GRAMD1C: variants seen among roughly 807,000 people sequenced by gnomAD.
The protein encoded by GRAMD1C is protein Aster-C.
In GRAMD1C, 89 loss-of-function variants were observed where a neutral mutation model predicts 97.8. The observed-to-expected ratio is 0.91, with a 90% CI of 0.77 to 1.09. The LOEUF (loss-of-function observed/expected upper bound fraction) is 1.09, where lower values mean the gene tolerates loss of function less well. Ranked by LOEUF, GRAMD1C falls within the 50% of genes least tolerant of loss-of-function variation. The pLI, the probability that GRAMD1C is intolerant of heterozygous loss-of-function variation, is 0.00. For synonymous variants in GRAMD1C, 256 were observed against 267.0 expected, an observed-to-expected ratio of 0.96 and a Z score of 0.40; for missense variants, 740 against 766.4, an observed-to-expected ratio of 0.97 and a Z score of 0.41.
chr3:113,865,916 C>T (rs1418852397), intron 2 of GRAMD1C, among the ~76,000 whole-genome samples: 1 of 152,054 alleles, frequency 6.6e-6, no homozygotes, highest in East Asian at 1.9e-4. Flanking sequence ...TTGTTGATCT[C>T]TAATTTTATT....
chr3:113,934,952 C>T (rs189846740), intron 13 of GRAMD1C, among the ~76,000 whole-genome samples: 62 of 152,206 alleles, frequency 4.1e-4, no homozygotes, highest in African/African-American at 1.4e-3. Context: ...CCATCTTGGT[C>T]AGGCTGGTCT....
Position 113,851,606 on chromosome 3 carries a change from C to T in GRAMD1C, c.174+6957C>T, listed in dbSNP as rs184606579. Among the ~76,000 whole-genome samples the T allele has an allele frequency of 3.4e-4, 52 of 151,028 alleles. No individual in the cohort carries two copies. The East Asian group carries it at 4.9e-3, about 14-fold the overall frequency. ...TGATCTCGGTTCACTGCAGCCTCCACCTCCTGGGTTCAAGTGATTCTCCTG... is the reference window on the plus strand; with the variant it reads ...TGATCTCGGTTCACTGCAGCCTCCATCTCCTGGGTTCAAGTGATTCTCCTG... On this transcript the variant is annotated intron_variant, in intron 2 of 17. Coordinates refer to ENST00000358160, the MANE Select transcript of GRAMD1C (RefSeq NM_017577.5).
intron 13 of GRAMD1C, 24 bp from the exon 14 acceptor site, chr3:113,936,242 A>G: frequency 7.1e-7 from 1 of 1,400,624 alleles, no homozygotes; most frequent in Non-Finnish European, 1.0e-6. Flanking sequence ...CTCACTATAT[A>G]AAGATTGTTT....
chr3:113,866,201 A>G (rs2712363), intron 2 of GRAMD1C, among the ~76,000 whole-genome samples: 152,106 of 152,336 alleles, frequency 1, 75,939 homozygotes, highest in Middle Eastern at 1. Flanking sequence ...CTTATTGAAT[A>G]GTCTGTTCTT....
chr3:113,886,336 A>G (rs1227599414), intron 6 of GRAMD1C, among the ~76,000 whole-genome samples: 1 of 152,256 alleles, frequency 6.6e-6, no homozygotes, highest in Non-Finnish European at 1.5e-5. Context: ...AGGACTGGCC[A>G]GAGTGACAGA....
chr3:113,938,344 G>T, intron 15 of GRAMD1C: 1 of 399,922 alleles, frequency 2.5e-6, no homozygotes, highest in Non-Finnish European at 4.4e-6. Context: ...TTAAATTTGA[G>T]GAAATACAAA....
At chr3:113,833,171 CTT>C (rs1337440662) in intron 1 of GRAMD1C, among the ~76,000 whole-genome samples, 1 of 125,032 alleles carries the variant, frequency 8.0e-6, no homozygotes, top group African/African-American at 3.1e-5. Flanking sequence ...GAGTTTTGCT[CTT>C]GTTTCCCAGG....
At chr3:113,844,384 C>T in intron 1 of GRAMD1C, 119 bp from the exon 2 acceptor site, 1 of 652,752 alleles carries the variant, frequency 1.5e-6, no homozygotes, top group Non-Finnish European at 2.7e-6. Context: ...TTACTGTCTT[C>T]TAAACATTTA....
At chr3:113,836,475 T>C (rs1199148818), upstream of GRAMD1C, among the ~76,000 whole-genome samples, 1 of 151,836 alleles carries the variant, frequency 6.6e-6, no homozygotes, top group Non-Finnish European at 1.5e-5. Context: ...GTATTCATCT[T>C]CGTGGAAGCA....
chr3:113,864,765 T>A (rs1480521316), intron 2 of GRAMD1C, among the ~76,000 whole-genome samples: 1 of 152,198 alleles, frequency 6.6e-6, no homozygotes, highest in African/African-American at 2.4e-5. Context: ...TTCCCTAATC[T>A]TCTTGTTTTC....
chr3:113,842,199 G>T (rs1456851501), intron 1 of GRAMD1C, among the ~76,000 whole-genome samples: 1 of 152,126 alleles, frequency 6.6e-6, no homozygotes, highest in East Asian at 1.9e-4. Context: ...ATTTTATGTT[G>T]AATAACTCCT....
At chr3:113,836,648 A>T (rs951003463), upstream of GRAMD1C, among the ~76,000 whole-genome samples, 3 of 150,520 alleles carry the variant, frequency 2.0e-5, no homozygotes, top group African/African-American at 4.9e-5. Context: ...ATTATTATTT[A>T]TTATTATTAT....
intron 6 of GRAMD1C, among the ~76,000 whole-genome samples, chr3:113,900,665 A>G (rs1035929314): frequency 6.6e-6 from 1 of 151,114 alleles, no homozygotes; most frequent in Non-Finnish European, 1.5e-5. Flanking sequence ...TGACCTCGTG[A>G]TCTGCCTGCC....
rs71144097 is a variant in GRAMD1C at position 113,917,856 on chromosome 3, C to CTTTT, written c.1090+2040_1090+2043dup. ...TACAGGCGTGCACCACCATGCTTGG[C>CTTTT]TTTTTTTTTTTTTTTTTTTTTTTTT... On this transcript the variant is annotated intron_variant, in intron 10 of 17. Coordinates refer to ENST00000358160, the MANE Select transcript of GRAMD1C (RefSeq NM_017577.5). Among the ~76,000 whole-genome samples, 19 of 41,868 alleles carry CTTTT rather than the reference C, an allele frequency of 4.5e-4. 2 individuals are homozygous for CTTTT. Among genetic ancestry groups the CTTTT allele is most frequent in the Non-Finnish European group, 4.5e-4 (11 of 24,220 alleles). The allele number at this position is 41,868 out of a possible 152,430, so 27.5% of individuals were successfully genotyped here. A position where few individuals can be genotyped will look rare whatever the true frequency, so the allele number is the denominator to read the frequency against.
intron 8 of GRAMD1C, among the ~76,000 whole-genome samples, chr3:113,905,124 A>G (rs559674566): frequency 1.2e-4 from 19 of 152,324 alleles, no homozygotes; most frequent in Non-Finnish European, 1.6e-4. Flanking sequence ...ATGAGCCAGC[A>G]TGCCCGGCCA....
At chr3:113,834,771 T>TAAA (rs776577187), upstream of GRAMD1C, among the ~76,000 whole-genome samples, 3 of 119,908 alleles carry the variant, frequency 2.5e-5, no homozygotes, top group Non-Finnish European at 5.4e-5. Flanking sequence ...CTGTCTCTAC[T>TAAA]AAAAAAAAAA....
intron 10 of GRAMD1C, among the ~76,000 whole-genome samples, chr3:113,929,263 C>A (rs74545013): frequency 0.016 from 2,489 of 152,260 alleles, 56 homozygotes; most frequent in East Asian, 0.043. Flanking sequence ...TGTCCTTTTG[C>A]GTACTAGCCA....
intron 2 of GRAMD1C, chr3:113,850,470 C>T: frequency 6.8e-7 from 1 of 1,480,318 alleles, no homozygotes; most frequent in Non-Finnish European, 9.4e-7. Context: ...GCAGCACAGT[C>T]TCCGGGGCAG....
chr3:113,870,953 C>CAAAT (rs139044179), intron 3 of GRAMD1C, among the ~76,000 whole-genome samples: 1 of 129,474 alleles, frequency 7.7e-6, no homozygotes, highest in Admixed American at 8.2e-5. Flanking sequence ...CTTGGCTCAA[C>CAAAT]AAATAAATAA....
Sources: allele counts gnomAD v4.1 joint callset (sites outside exome capture counted in the v4.1 genomes callset), GRCh38; gene constraint gnomAD v4.1.1; transcripts MANE v1.5; gene names NCBI Gene and HGNC (gene_info 2026-07-23, HGNC 2026-07-21).